DLG2: variants seen among roughly 807,000 people sequenced by gnomAD.
DLG2 encodes discs large MAGUK scaffold protein 2.
In DLG2, 45 loss-of-function variants were observed where a neutral mutation model predicts 132.5. The ratio of observed to expected loss-of-function variants is 0.34; its 90% CI spans 0.27 to 0.44. The LOEUF (loss-of-function observed/expected upper bound fraction) is 0.44. DLG2 is among the 20% of genes least tolerant of loss of function. The pLI is 1.00. For missense variants in DLG2, 1,045 were observed against 1,196.9 expected, an observed-to-expected ratio of 0.87 and a Z score of 1.87; for synonymous variants, 424 against 419.6, an observed-to-expected ratio of 1.01 and a Z score of -0.13.
chr11:84,779,394 T>C (rs182502919), intron 6 of DLG2, among the ~76,000 whole-genome samples: 60 of 152,316 alleles, frequency 3.9e-4, no homozygotes, highest in Non-Finnish European at 7.8e-4. Flanking sequence ...ATGCTACTTA[T>C]TTTTATACAT....
At chr11:84,561,002 G>A (rs911308345) in intron 6 of DLG2, among the ~76,000 whole-genome samples, 19 of 152,010 alleles carry the variant, frequency 1.2e-4, no homozygotes, top group Non-Finnish European at 5.9e-5. Flanking sequence ...TTTTCTCATG[G>A]TGTTTGGTCT....
chr11:84,264,061 T>A lies in DLG2; in HGVS notation c.520-12770A>T, dbSNP rs954426296. On this transcript the variant is annotated intron_variant, in intron 7 of 27. Coordinates refer to ENST00000376104, the MANE Select transcript of DLG2 (RefSeq NM_001142699.3). ...TTTTTCTTCAAAATTAATGTTCAAT[T>A]TGGAAACATTTCCAATGAGGAAAAA... is the stretch of plus-strand genomic sequence containing the variant. Among the ~76,000 whole-genome samples, 3 of 152,252 alleles carry A rather than the reference T, an allele frequency of 2.0e-5. No homozygotes were observed. The East Asian group carries it at 5.8e-4, about 29-fold the overall frequency.
intron 6 of DLG2, among the ~76,000 whole-genome samples, chr11:85,054,063 G>A (rs1033286458): frequency 1.3e-5 from 2 of 151,708 alleles, no homozygotes; most frequent in East Asian, 3.9e-4. Flanking sequence ...TCAGGAGATC[G>A]AGACCAGCCT....
chr11:85,075,515 A>C (rs2066415900), intron 6 of DLG2, among the ~76,000 whole-genome samples: 2 of 151,926 alleles, frequency 1.3e-5, no homozygotes. Flanking sequence ...TAGATCTTGA[A>C]AACATTTTAC....
intron 6 of DLG2, among the ~76,000 whole-genome samples, chr11:84,585,568 T>C (rs760754983): frequency 7.2e-5 from 11 of 152,204 alleles, no homozygotes; most frequent in South Asian, 6.2e-4. Flanking sequence ...TTTGCAGGAA[T>C]TGCATTGAAT....
At chr11:84,462,105 G>A (rs975326227) in intron 7 of DLG2, among the ~76,000 whole-genome samples, 14 of 150,886 alleles carry the variant, frequency 9.3e-5, no homozygotes, top group Admixed American at 4.6e-4. Context: ...ATGATCCCAC[G>A]AGTCCTTATT....
chr11:85,120,437 G>T (rs1046833343), intron 5 of DLG2, among the ~76,000 whole-genome samples: 20 of 151,964 alleles, frequency 1.3e-4, no homozygotes, highest in Non-Finnish European at 2.5e-4. Flanking sequence ...AATCCTAAGA[G>T]ATTCAAAACA....
At chr11:84,347,232 G>A (rs1378041654) in intron 7 of DLG2, among the ~76,000 whole-genome samples, 3 of 151,934 alleles carry the variant, frequency 2.0e-5, no homozygotes, top group Admixed American at 2.0e-4. Flanking sequence ...GGGGGTGAAG[G>A]CTAGAGCAAA....
chr11:85,063,197 A>T (rs573300207), intron 6 of DLG2, among the ~76,000 whole-genome samples: 4 of 151,820 alleles, frequency 2.6e-5, no homozygotes, highest in Admixed American at 2.6e-4. Flanking sequence ...AAATTACTTC[A>T]TTTCTTCACT....
intron 7 of DLG2, among the ~76,000 whole-genome samples, chr11:84,526,997 C>A (rs186551233): frequency 6.6e-6 from 1 of 152,220 alleles, no homozygotes; most frequent in Admixed American, 6.5e-5. Flanking sequence ...CCGGGATGAT[C>A]TCGATCTCCT....
intron 10 of DLG2, among the ~76,000 whole-genome samples, chr11:84,073,201 CT>C (rs1476874055): frequency 6.6e-6 from 1 of 152,082 alleles, no homozygotes. Context: ...GTATCCACAC[CT>C]TTTCCTCATC....
intron 7 of DLG2, among the ~76,000 whole-genome samples, chr11:84,385,379 G>C (rs897804653): frequency 2.6e-5 from 4 of 152,132 alleles, no homozygotes; most frequent in Non-Finnish European, 5.9e-5. Flanking sequence ...AGGCTTTAGA[G>C]ATTTCTAATA....
intron 6 of DLG2, among the ~76,000 whole-genome samples, chr11:84,878,474 C>T (rs1371707964): frequency 1.3e-5 from 2 of 152,084 alleles, no homozygotes; most frequent in Non-Finnish European, 2.9e-5. Flanking sequence ...CCAAACACTT[C>T]ATGTTCTCAC....
At chr11:84,714,617 T>C (rs867573991) in intron 6 of DLG2, among the ~76,000 whole-genome samples, 1,975 of 96,308 alleles carry the variant, frequency 0.021, 98 homozygotes, top group African/African-American at 0.068. Flanking sequence ...CTCTTTCTCT[T>C]TCTCTTTCTC....
chr11:85,262,424 G>A lies in DLG2; in HGVS notation c.186+22796C>T, dbSNP rs749744092. Among the ~76,000 whole-genome samples the A allele has an allele frequency of 6.2e-4, 95 of 152,184 alleles. 1 individual carries two copies. In the Middle Eastern group the frequency reaches 0.014, roughly 22 times the overall value. ...AATGAAGGAATTCTTAACAAGACCC[G>A]TTTAGGATTAAACAAGTTTATTGGA... is the stretch of plus-strand genomic sequence containing the variant. On this transcript the variant is annotated intron_variant, in intron 4 of 27. Transcript: ENST00000376104.
intron 18 of DLG2, among the ~76,000 whole-genome samples, chr11:83,736,184 G>A (rs769650217): frequency 6.6e-6 from 1 of 152,060 alleles, no homozygotes; most frequent in Non-Finnish European, 1.5e-5. Flanking sequence ...TTGTTAAGAG[G>A]GCATATTTTT....
chr11:83,771,255 T>C (rs1289012817), intron 18 of DLG2, among the ~76,000 whole-genome samples: 4 of 152,256 alleles, frequency 2.6e-5, no homozygotes, highest in Admixed American at 2.0e-4. Context: ...TTACTAAGTA[T>C]ACAACAGTGG....
intron 21 of DLG2, among the ~76,000 whole-genome samples, chr11:83,495,445 A>G (rs1487600753): frequency 6.6e-6 from 1 of 152,156 alleles, no homozygotes; most frequent in Non-Finnish European, 1.5e-5. Flanking sequence ...CTCTATCTTC[A>G]AAACTGAGCT....
intron 6 of DLG2, among the ~76,000 whole-genome samples, chr11:84,814,746 C>T (rs998273954): frequency 2.6e-5 from 4 of 152,106 alleles, no homozygotes; most frequent in African/African-American, 9.7e-5. Flanking sequence ...TCATTAGGGT[C>T]ACCCTGAGTT....
Sources: gnomAD v4.1 joint callset for allele counts (sites outside exome capture counted in the v4.1 genomes callset) on GRCh38, gnomAD v4.1.1 for gene constraint, MANE v1.5 for transcripts, NCBI Gene and HGNC (gene_info 2026-07-23, HGNC 2026-07-21) for gene names.